The following FAM186A variants were observed in gnomAD, a reference collection of about 807,000 sequenced individuals.
FAM186A encodes the protein family with sequence similarity 186 member A.
A neutral mutation model predicts 216.8 loss-of-function variants in FAM186A; 163 were observed. The observed-to-expected ratio is 0.75, with a 90% CI of 0.66 to 0.86. The LOEUF (loss-of-function observed/expected upper bound fraction) is 0.86. Among genes scored for constraint, FAM186A ranks in the 40% least tolerant of loss-of-function variants. FAM186A has a pLI of 0.00. For missense variants in FAM186A, 2,184 were observed against 2,746.2 expected (o/e 0.80, Z 4.58); for synonymous variants, 805 against 1,025.3 (o/e 0.79, Z 4.10).
chr12:50,355,523 C>T lies in FAM186A; in HGVS notation c.1309G>A (p.Asp437Asn), dbSNP rs143248790. ...TCACCTTTCTTCAATGATACGTTATCTTTAGTGCTGTCTTCGGAAATATCT... is the reference window on the plus strand; with the variant it reads ...TCACCTTTCTTCAATGATACGTTATTTTTAGTGCTGTCTTCGGAAATATCT... ...SEDISEDSTK[D>N]NVSLKKGDFY... Residue 437 changes from aspartate (D) to asparagine (N), a missense_variant, in exon 4 of 8, where the codon GAT becomes AAT. Physicochemically the swap from Asp to Asn is conservative, Grantham distance 23. Coordinates refer to ENST00000327337, the MANE Select transcript of FAM186A (RefSeq NM_001145475.3). The T allele has an allele frequency of 9.6e-5, 149 of 1,551,460 alleles. No homozygotes were observed. The African/African-American group carries it at 1.4e-3, about 15-fold the overall frequency.
chr12:50,374,980 C>T (rs1943183233), intron 1 of FAM186A, among the ~76,000 whole-genome samples: 1 of 152,048 alleles, frequency 6.6e-6, no homozygotes, highest in African/African-American at 2.4e-5. Flanking sequence ...AAGTTCAGGA[C>T]CAGACTGGCC....
chr12:50,357,793 G>A (rs1403757677), intron 3 of FAM186A, among the ~76,000 whole-genome samples: 3 of 152,108 alleles, frequency 2.0e-5, no homozygotes, highest in Non-Finnish European at 1.5e-5. Context: ...GAGGCAGGCT[G>A]TGGGGACTGA....
At chr12:50,348,031 C>T (rs972742211) in intron 4 of FAM186A, among the ~76,000 whole-genome samples, 1 of 142,192 alleles carries the variant, frequency 7.0e-6, no homozygotes, top group South Asian at 2.2e-4. Flanking sequence ...AGCCACAATG[C>T]CTGGTAATTT....
At chr12:50,356,976 G>A (rs1222043180) in intron 3 of FAM186A, among the ~76,000 whole-genome samples, 1 of 152,044 alleles carries the variant, frequency 6.6e-6, no homozygotes, top group African/African-American at 2.4e-5. Context: ...TCAAGCCTGG[G>A]TAAAAGAGTG....
intron 4 of FAM186A, among the ~76,000 whole-genome samples, chr12:50,337,303 T>C (rs902422774): frequency 6.9e-6 from 1 of 144,260 alleles, no homozygotes; most frequent in Non-Finnish European, 1.5e-5. Flanking sequence ...TTTTTTTTTT[T>C]TTTTTTTTTT....
In FAM186A at chr12:50,352,103, T is replaced by C. The variant is rs759210521; in HGVS notation, c.4729A>G (p.Ile1577Val). ...LTPQQAQALG[I>V]PLTPQQAQEL... is the part of the protein sequence containing the mutation. ...TGCGCCTGCTGAGGGGTGAGAGGGA[T>C]CCCCAGGGCCTGGGCCTGCTGAGGG... The change falls in exon 4 of 8, where the codon ATC (isoleucine) becomes GTC (valine). Residue 1577 changes from isoleucine to valine, a missense_variant. Around this residue, in one of 7 missense-constraint regions of FAM186A, gnomAD observed 16 missense variants for 91.3 expected, o/e 0.18. Transcript: ENST00000327337. 8 of 1,531,912 alleles carry C rather than the reference T, an allele frequency of 5.2e-6. No individual in the cohort carries two copies. The African/African-American group carries it at 1.2e-4, about 22-fold the overall frequency. The allele number at this position is 1,531,912 out of a possible 1,614,324, so 94.9% of individuals were successfully genotyped here.
chr12:50,351,825 G>C lies in FAM186A; in HGVS notation c.5007C>G (p.His1669Gln), dbSNP rs777452496. 1.9e-6 allele frequency: 3 copies of C among 1,545,368 alleles called. No individual in the cohort carries two copies. The highest frequency in any genetic ancestry group is 8.7e-7 in the Non-Finnish European group (1 of 1,143,740). Residue 1669 changes from histidine to glutamine, a missense_variant, in exon 4 of 8, where the codon CAC becomes CAG. By Grantham distance (24) the His-to-Gln change is conservative (BLOSUM62 0). Coordinates refer to ENST00000327337, the MANE Select transcript of FAM186A (RefSeq NM_001145475.3). ...SAVTLTSEQTHALESPMNLEQ... is the reference protein window; with the variant it reads ...SAVTLTSEQTQALESPMNLEQ... ...CTAAGTTCATAGGGGACTCCAAAGC[G>C]TGGGTTTGCTCAGAGGTAAGAGTGA...
rs117673593 is a variant in FAM186A, at chr12:50,345,636, T to G, written c.6503+4693A>C. Among the ~76,000 whole-genome samples the G allele has an allele frequency of 2.8e-4, 43 of 152,234 alleles. No individual in the cohort carries two copies. The East Asian group carries it at 7.9e-3, about 28-fold the overall frequency. On this transcript the variant is annotated intron_variant, in intron 4 of 7. Transcript: ENST00000327337. Reference sequence around the variant, plus strand: ...TCCTCATTGCTTGTTTTTGTTGACTTTGTCCACAATTAGATGATTGTGGGT... The same window carrying G: ...TCCTCATTGCTTGTTTTTGTTGACTGTGTCCACAATTAGATGATTGTGGGT...
Position 50,351,050 on chromosome 12 carries a change from A to G in FAM186A, c.5782T>C (p.Ser1928Pro). 1 of 1,551,364 alleles carries G rather than the reference A, an allele frequency of 6.4e-7. No homozygotes were observed. Residue 1928 changes from serine (S) to proline (P), a missense_variant, in exon 4 of 8, where the codon TCT (serine) becomes CCT (proline). Ser to Pro is a moderately conservative substitution (Grantham distance 74). Transcript: ENST00000327337. ...GGCCATAGTGTGGGAGGATGTCTAG[A>G]GGTGGGAGGGATCCATAATGAAGAA... ...RASSLWIPPT[S>P]RHPPTLWPSP...
chr12:50,352,616 C>T lies in FAM186A; in HGVS notation c.4216G>A (p.Glu1406Lys). The T allele has an allele frequency of 6.6e-7, 1 of 1,522,076 alleles. No individual in the cohort carries two copies. Among genetic ancestry groups the T allele is most frequent in the African/African-American group, 1.5e-5 (1 of 68,644 alleles). The allele number at this position is 1,522,076 out of a possible 1,614,324, so 94.3% of individuals were successfully genotyped here. Residue 1406 changes from glutamate to lysine, a missense_variant, in exon 4 of 8, where the codon GAA (glutamate) becomes AAA (lysine). Coordinates refer to ENST00000327337, the MANE Select transcript of FAM186A (RefSeq NM_001145475.3). ...TGAGGGGTGAGAGGGATCCCCAGTTCCTGAGCCTGCTGAGTGGTGAGAGGC... is the reference window on the plus strand; with the variant it reads ...TGAGGGGTGAGAGGGATCCCCAGTTTCTGAGCCTGCTGAGTGGTGAGAGGC... ...GMPLTTQQAQ[E>K]LGIPLTPQQA...
intron 1 of FAM186A, among the ~76,000 whole-genome samples, chr12:50,395,912 C>T (rs1019005490): frequency 3.3e-5 from 5 of 152,148 alleles, no homozygotes; most frequent in Admixed American, 2.0e-4. Context: ...CAGGCAAGTG[C>T]AATCATGCCC....
rs1480092928 is a variant in FAM186A, at chr12:50,351,410, A to G, written c.5422T>C (p.Ser1808Pro). The G allele has an allele frequency of 1.0e-5, 15 of 1,467,078 alleles. No individual in the cohort carries two copies. The South Asian group carries it at 1.3e-4, about 13-fold the overall frequency. The allele number at this position is 1,467,078 out of a possible 1,614,324, so 90.9% of individuals were successfully genotyped here. ...SGQTLVYGGQ[S>P]TSAQFPAPQA... ...GGTGCCGGGAACTGCGCAGAAGTGG[A>G]TTGACCTCCGTATACCAGGGTCTGT... Residue 1808 changes from serine (S) to proline (P), a missense_variant, in exon 4 of 8, where the codon TCC (serine) becomes CCC (proline). Physicochemically the swap from Ser to Pro is moderately conservative, Grantham distance 74. This residue lies in a region of FAM186A where 721 missense variants were observed against 816.4 expected (regional missense o/e 0.88). Coordinates refer to ENST00000327337, the MANE Select transcript of FAM186A (RefSeq NM_001145475.3).
chr12:50,348,642 C>G (rs1013618367), intron 4 of FAM186A, among the ~76,000 whole-genome samples: 1 of 152,102 alleles, frequency 6.6e-6, no homozygotes, highest in Non-Finnish European at 1.5e-5. Context: ...TCACTGCAAG[C>G]TCTGCCTCCT....
At position 50,334,115 on chromosome 12, in the gene FAM186A, T is replaced by G; in HGVS notation, c.6504-12A>C. ...TCATTATGTTGTTCCTTGAAAAGAT[T>G]AATAAAAATTAGAGCGATAATAGTT... On this transcript the variant is annotated splice_polypyrimidine_tract_variant and intron_variant, in intron 4 of 7. Transcript: ENST00000327337. 1 of 1,521,286 alleles carries G rather than the reference T, an allele frequency of 6.6e-7. No individual in the cohort carries two copies. The highest frequency in any genetic ancestry group is 2.3e-5 in the Admixed American group (1 of 43,030). 94.2% of individuals were successfully genotyped at this position (1,521,286 alleles called of 1,614,324 possible). A position where few individuals can be genotyped will look rare whatever the true frequency, so the allele number is the denominator to read the frequency against.
rs374601704 is a variant in FAM186A, at chr12:50,389,411, A to G, written c.192+6882T>C. On this transcript the variant is annotated intron_variant, in intron 1 of 7. Coordinates refer to ENST00000327337, the MANE Select transcript of FAM186A (RefSeq NM_001145475.3). ...GCTACTTGGGAGGCTGAGGCAGTAG[A>G]ATTGCTTGAACCTGGGAGGTGGAGG... Among the ~76,000 whole-genome samples, 62 of 152,192 alleles carry G rather than the reference A, an allele frequency of 4.1e-4. 1 individual carries two copies. In the East Asian group the frequency reaches 0.012, roughly 28 times the overall value.
intron 1 of FAM186A, among the ~76,000 whole-genome samples, chr12:50,379,447 AAAAG>A (rs1208563257): frequency 7.5e-6 from 1 of 132,862 alleles, no homozygotes; most frequent in African/African-American, 2.8e-5. Context: ...CTCAAAAAAA[AAAAG>A]AAAGAAAAAA....
intron 3 of FAM186A, among the ~76,000 whole-genome samples, chr12:50,358,588 A>T (rs543526977): frequency 1.3e-5 from 2 of 152,004 alleles, no homozygotes; most frequent in African/African-American, 4.8e-5. Context: ...GTCAAAAACA[A>T]AACAAAACAA....
intron 1 of FAM186A, among the ~76,000 whole-genome samples, 168 bp from the exon 2 acceptor site, chr12:50,363,532 C>T (rs1943057479): frequency 2.0e-5 from 3 of 152,032 alleles, no homozygotes; most frequent in Admixed American, 2.0e-4. Flanking sequence ...AAAAAAAATT[C>T]CTTTTTCTGC....
intron 2 of FAM186A, 55 bp from the exon 3 acceptor site, chr12:50,360,981 C>A: frequency 7.5e-7 from 1 of 1,336,764 alleles, no homozygotes; most frequent in Non-Finnish European, 1.0e-6. Context: ...ATAACTATAG[C>A]TACATAGGCT....
Sources: gnomAD v4.1 joint callset for allele counts (sites outside exome capture counted in the v4.1 genomes callset) on GRCh38, gnomAD v4.1.1 for gene constraint, gnomAD v4.1.1 regional missense constraint, MANE v1.5 for transcripts, NCBI Gene and HGNC (gene_info 2026-07-23, HGNC 2026-07-21) for gene names.